The following TPD52L2 variants were observed in gnomAD, a reference collection of about 807,000 sequenced individuals.
TPD52L2 encodes the protein tumor protein D54.
TPD52L2 carries 19 observed loss-of-function variants against 24.7 expected under a neutral mutation model. The ratio of observed to expected loss-of-function variants is 0.77; its 90% CI spans 0.54 to 1.13. The LOEUF (loss-of-function observed/expected upper bound fraction) is 1.13. Ranked by LOEUF, TPD52L2 falls within the 50% of genes most tolerant of loss-of-function variation. The pLI is 0.00. For missense variants in TPD52L2, 236 were observed against 250.4 expected, an observed-to-expected ratio of 0.94 and a Z score of 0.39; for synonymous variants, 104 against 100.2, an observed-to-expected ratio of 1.04 and a Z score of -0.23.
At chr20:63,888,546 A>G (rs2053216250) in intron 5 of TPD52L2, 2 of 138,060 alleles carry the variant, frequency 1.4e-5, no homozygotes, top group East Asian at 4.5e-4. Context: ...TAACCTCAAT[A>G]CGAGAGCCCG....
At chr20:63,889,353 C>A (rs1315838981) in intron 6 of TPD52L2, 115 bp downstream of exon 6, 3 of 961,162 alleles carry the variant, frequency 3.1e-6, no homozygotes, top group Admixed American at 2.0e-5. Context: ...GGAAGTAATG[C>A]AGAGAGGTTC....
intron 2 of TPD52L2, among the ~76,000 whole-genome samples, chr20:63,871,729 G>C (rs1429300917): frequency 6.6e-6 from 1 of 151,116 alleles, no homozygotes; most frequent in Non-Finnish European, 1.5e-5. Flanking sequence ...TGCCTCCCAG[G>C]TTCAAGTGAT....
intron 2 of TPD52L2, among the ~76,000 whole-genome samples, chr20:63,872,584 G>A (rs2052508411): frequency 6.6e-6 from 1 of 151,366 alleles, no homozygotes; most frequent in Admixed American, 6.6e-5. Flanking sequence ...TGTCATGTTG[G>A]CCAGGCTGGT....
chr20:63,883,481 C>T (rs971384618), intron 5 of TPD52L2, among the ~76,000 whole-genome samples: 1 of 152,176 alleles, frequency 6.6e-6, no homozygotes, highest in African/African-American at 2.4e-5. Flanking sequence ...GGGCTACCTC[C>T]TGGCTGGGCA....
At position 63,882,808 on chromosome 20, in the gene TPD52L2, T is replaced by C. The variant is rs2052952712; in HGVS notation, c.464T>C (p.Leu155Pro). 6.2e-7 allele frequency: 1 copy of C among 1,612,484 alleles called. No individual in the cohort carries two copies. Among genetic ancestry groups the C allele is most frequent in the Non-Finnish European group, 8.5e-7 (1 of 1,179,128 alleles). Residue 155 changes from leucine to proline, a missense_variant, in exon 5 of 7, where the codon CTT becomes CCT. Transcript: ENST00000346249. ...GTGGGCTCTGCCATCAGCAGGAAGCTTGGAGACATGAGGTGAGACGCAACC... is the reference window on the plus strand; with the variant it reads ...GTGGGCTCTGCCATCAGCAGGAAGCCTGGAGACATGAGGTGAGACGCAACC... The part of the protein sequence containing the change: ...STVGSAISRK[L>P]GDMRNSATFK...
At chr20:63,871,576 C>T (rs2052466338) in intron 2 of TPD52L2, among the ~76,000 whole-genome samples, 2 of 151,798 alleles carry the variant, frequency 1.3e-5, no homozygotes, top group South Asian at 4.2e-4. Flanking sequence ...TCTCGAACTC[C>T]AGACCTCAGG....
chr20:63,877,482 T>A lies in TPD52L2; in HGVS notation c.374+1607T>A, dbSNP rs1336709237. Among the ~76,000 whole-genome samples the A allele has an allele frequency of 6.6e-6, 1 of 152,100 alleles. No homozygotes were observed. The highest frequency in any genetic ancestry group is 2.4e-5 in the African/African-American group (1 of 41,432). ...CTTGAGCAGGGTGTTCTAGGGACCC[T>A]GGTGGGCTGTGTCTCGGGCTGTTGA... On this transcript the variant is annotated intron_variant, in intron 4 of 6. Transcript: ENST00000346249. This position sits in a 1 kb window ranked among gnomAD's most constrained non-coding sequence, Gnocchi z 4.1.
At chr20:63,884,696 G>C (rs889775083) in intron 5 of TPD52L2, among the ~76,000 whole-genome samples, 1 of 152,092 alleles carries the variant, frequency 6.6e-6, no homozygotes, top group Non-Finnish European at 1.5e-5. Context: ...ATGGCTGGCA[G>C]TGAGCAGAGT....
At chr20:63,886,082 C>G (rs2053083592) in intron 5 of TPD52L2, 3 of 1,609,392 alleles carry the variant, frequency 1.9e-6, no homozygotes, top group African/African-American at 1.3e-5. Flanking sequence ...AGACTTTTCT[C>G]TGAATTGGGG....
At chr20:63,873,361 C>T (rs990349463) in intron 2 of TPD52L2, among the ~76,000 whole-genome samples, 1 of 151,874 alleles carries the variant, frequency 6.6e-6, no homozygotes, top group African/African-American at 2.4e-5. Flanking sequence ...GGGTGGCACA[C>T]GCCTGTAATC....
intron 3 of TPD52L2, among the ~76,000 whole-genome samples, chr20:63,874,144 C>G (rs1008377792): frequency 6.6e-6 from 1 of 150,710 alleles, no homozygotes; most frequent in Non-Finnish European, 1.5e-5. Context: ...CTCTGCCCCC[C>G]GGGTTCAAGC....
chr20:63,873,170 G>T (rs2052531772), intron 2 of TPD52L2, among the ~76,000 whole-genome samples: 1 of 151,932 alleles, frequency 6.6e-6, no homozygotes, highest in Admixed American at 6.6e-5. Flanking sequence ...GTTCCCTGGA[G>T]TCAAGTTCCT....
At chr20:63,879,390 C>A (rs2052810844) in intron 4 of TPD52L2, among the ~76,000 whole-genome samples, 1 of 152,000 alleles carries the variant, frequency 6.6e-6, no homozygotes, top group Non-Finnish European at 1.5e-5. Flanking sequence ...CCTCAGGACC[C>A]TCCTCCTTGT....
intron 4 of TPD52L2, chr20:63,876,858 C>A (rs936358630): frequency 1.3e-5 from 6 of 454,790 alleles, no homozygotes; most frequent in Non-Finnish European, 2.2e-5. Flanking sequence ...GCTACAGCAG[C>A]CAGCTGTACA....
chr20:63,891,495 A>G lies in TPD52L2; in HGVS notation c.*1550A>G, dbSNP rs1024587715. ...GATGTATCTTTTCCTTAAAGTTATT[A>G]TAATAATGGGTAATTTGTCAATAAA... is the stretch of plus-strand genomic sequence containing the variant. On this transcript the variant is annotated 3_prime_UTR_variant, in exon 7 of 7. Transcript: ENST00000346249. This position sits in a 1 kb window ranked among gnomAD's most constrained non-coding sequence, Gnocchi z 4.7. 2.0e-5 allele frequency: 3 copies of G among 152,248 alleles called. No individual in the cohort carries two copies. The highest frequency in any genetic ancestry group is 4.8e-5 in the African/African-American group (2 of 41,448). The allele number at this position is 152,248 out of a possible 1,614,324, so 9.4% of individuals were successfully genotyped here. A position where few individuals can be genotyped will look rare whatever the true frequency, so the allele number is the denominator to read the frequency against.
rs2052550503 is a variant in TPD52L2 at position 63,873,657 on chromosome 20, A to T, written c.166-11A>T. On this transcript the variant is annotated splice_polypyrimidine_tract_variant and intron_variant, in intron 2 of 6. Transcript: ENST00000346249. ...AGTGATGGCTCATCATGTCAACTGC[A>T]TGCTTTGCAGGTGGAAGAGGAAATT... 6.2e-7 allele frequency: 1 copy of T among 1,611,124 alleles called. No homozygotes were observed. Among genetic ancestry groups the T allele is most frequent in the East Asian group, 2.2e-5 (1 of 44,682 alleles).
At position 63,873,685 on chromosome 20, in the gene TPD52L2, C is replaced by T. The variant is rs1267420400; in HGVS notation, c.183C>T (p.Val61=). 1.9e-6 allele frequency: 3 copies of T among 1,609,758 alleles called. No homozygotes were observed. Among genetic ancestry groups the T allele is most frequent in the Middle Eastern group, 1.6e-4 (1 of 6,070 alleles). Residue 61 remains valine, a synonymous_variant, in exon 3 of 7, where the codon GTC becomes GTT. Coordinates refer to ENST00000346249, the MANE Select transcript of TPD52L2 (RefSeq NM_003288.4). ...AELTKVEEEI[V]TLRQVLAAKE... ...CTTTGCAGGTGGAAGAGGAAATTGT[C>T]ACTCTGCGCCAGGTCCTGGCAGCCA...
intron 5 of TPD52L2, among the ~76,000 whole-genome samples, chr20:63,883,450 G>C (rs1238857209): frequency 2.0e-5 from 3 of 152,188 alleles, no homozygotes; most frequent in Non-Finnish European, 4.4e-5. Flanking sequence ...TGAGCCAGAA[G>C]CCTGGGTATG....
At position 63,883,005 on chromosome 20, in the gene TPD52L2, G is replaced by A. The variant is rs190209787; in HGVS notation, c.476+185G>A. Among the ~76,000 whole-genome samples the A allele has an allele frequency of 6.0e-4, 91 of 152,268 alleles. 1 individual carries two copies. In the East Asian group the frequency reaches 0.011, roughly 19 times the overall value. Reference sequence around the variant, plus strand: ...TTGCCTGGGAGGTTCGTCCATCCCCGTTGGCTGCTTTTCTGCCGTTGCTGT... The same window carrying A: ...TTGCCTGGGAGGTTCGTCCATCCCCATTGGCTGCTTTTCTGCCGTTGCTGT... On this transcript the variant is annotated intron_variant, in intron 5 of 6. Coordinates refer to ENST00000346249, the MANE Select transcript of TPD52L2 (RefSeq NM_003288.4).
Sources: gnomAD v4.1 joint callset for allele counts (sites outside exome capture counted in the v4.1 genomes callset) on GRCh38, gnomAD v4.1.1 for gene constraint, Gnocchi (gnomAD v3.1) non-coding constraint, MANE v1.5 for transcripts, NCBI Gene and HGNC (gene_info 2026-07-23, HGNC 2026-07-21) for gene names.